Variants in AGO2 observed in about 807,000 individuals in gnomAD.
The protein encoded by AGO2 is argonaute RISC catalytic component 2, also known as protein argonaute-2.
In AGO2, 5 loss-of-function variants were observed where a neutral mutation model predicts 102.3. The observed-to-expected ratio is 0.05, with a 90% CI of 0.03 to 0.10. The LOEUF is 0.10. AGO2 is among the 10% of genes least tolerant of loss of function. The pLI, the probability that AGO2 is intolerant of heterozygous loss-of-function variation, is 1.00. For synonymous variants in AGO2, 449 were observed against 473.1 expected (o/e 0.95, Z 0.66); for missense variants, 541 against 1,183.7 (o/e 0.46, Z 7.97).
intron 9 of AGO2, 56 bp from the exon 10 acceptor site, chr8:140,556,074 A>G (rs2073090205): frequency 1.2e-6 from 2 of 1,611,624 alleles, no homozygotes; most frequent in East Asian, 2.2e-5. Context: ...CCATCTCTCT[A>G]GCAGCTGCGT....
At chr8:140,588,899 G>C (rs925290870) in intron 1 of AGO2, among the ~76,000 whole-genome samples, 2 of 152,244 alleles carry the variant, frequency 1.3e-5, no homozygotes, top group African/African-American at 4.8e-5. Context: ...CACTGAATCG[G>C]CATCACTCAG....
chr8:140,635,789 CGCGGCGGCGGCG>C (rs528099474), upstream of AGO2, among the ~76,000 whole-genome samples: 1 of 129,580 alleles, frequency 7.7e-6, no homozygotes, highest in Non-Finnish European at 1.7e-5. Context: ...GGGCGGGGTC[CGCGGCGGCGGCG>C]GCGGCGGCGC....
chr8:140,529,047 C>T lies in AGO2; in HGVS notation c.*2997G>A, dbSNP rs1180792353. The T allele has an allele frequency of 6.6e-6, 1 of 152,172 alleles. No individual in the cohort carries two copies. The highest frequency in any genetic ancestry group is 2.4e-5 in the African/African-American group (1 of 41,436). 9.4% of individuals were successfully genotyped at this position (152,172 alleles called of 1,614,324 possible). A position where few individuals can be genotyped will look rare whatever the true frequency, so the allele number is the denominator to read the frequency against. On this transcript the variant is annotated 3_prime_UTR_variant, in exon 19 of 19. Coordinates refer to ENST00000220592, the MANE Select transcript of AGO2 (RefSeq NM_012154.5). ...CTCTTTTAAAGAGATGAGATAAAAT[C>T]CCAGTTTTTCTTTTAAACAAACCCA...
At chr8:140,532,853 T>C in intron 17 of AGO2, 1 of 443,576 alleles carries the variant, frequency 2.3e-6, no homozygotes, top group Non-Finnish European at 4.2e-6. Context: ...AAAAATTAGC[T>C]AGACAATTGT....
intron 1 of AGO2, among the ~76,000 whole-genome samples, chr8:140,615,856 A>G (rs971547975): frequency 6.6e-6 from 1 of 152,232 alleles, no homozygotes. Context: ...CTTTGTTTAG[A>G]AAACAAACTT....
At chr8:140,542,040 A>G (rs558725830) in intron 14 of AGO2, among the ~76,000 whole-genome samples, 2 of 152,332 alleles carry the variant, frequency 1.3e-5, no homozygotes, top group Admixed American at 1.3e-4. Context: ...CTACAAGCAC[A>G]TCAACAGCAT....
intron 1 of AGO2, among the ~76,000 whole-genome samples, chr8:140,612,831 G>A (rs1407193956): frequency 6.6e-6 from 1 of 151,894 alleles, no homozygotes; most frequent in Non-Finnish European, 1.5e-5. Flanking sequence ...ATCTGAAAAG[G>A]CTACAACAAC....
Position 140,624,812 on chromosome 8 carries a change from GAC to G in AGO2, c.22+10671_22+10672del, listed in dbSNP as rs567565281. On this transcript the variant is annotated intron_variant, in intron 1 of 18. Coordinates refer to ENST00000220592, the MANE Select transcript of AGO2 (RefSeq NM_012154.5). The stretch of plus-strand genomic sequence containing the variant: ...CATCTTCTGAAACATCTGTCAACAA[GAC>G]GATGCCACTGGGATCTGCAATGAGA... 7.0e-3 allele frequency among the ~76,000 whole-genome samples: 1,065 copies of G among 152,384 alleles called. 7 individuals carry two copies. Among genetic ancestry groups the G allele is most frequent in the Non-Finnish European group, 0.012 (839 of 68,034 alleles).
At chr8:140,561,933 C>A (rs2073208410) in intron 4 of AGO2, among the ~76,000 whole-genome samples, 1 of 152,256 alleles carries the variant, frequency 6.6e-6, no homozygotes, top group Non-Finnish European at 1.5e-5. Context: ...GTGCAACCCT[C>A]TGCCCAGCAA....
intron 2 of AGO2, among the ~76,000 whole-genome samples, chr8:140,584,567 A>G (rs1401407546): frequency 6.6e-6 from 1 of 152,210 alleles, no homozygotes; most frequent in African/African-American, 2.4e-5. Context: ...CATAATGGCC[A>G]CAGCCTAGAC....
intron 1 of AGO2, among the ~76,000 whole-genome samples, chr8:140,614,094 G>A (rs140117191): frequency 1.3e-3 from 199 of 150,860 alleles, no homozygotes; most frequent in African/African-American, 4.6e-3. Flanking sequence ...AGGCCAAGGC[G>A]GGCGGATCAT....
rs1383794579 is a variant in AGO2 at position 140,523,556 on chromosome 8, C to A, written c.*8488G>T. ...TAATGAGTAATTAGCCACTTTGCTG[C>A]ACAGAAACTTATAAATTATTCTCTC... On this transcript the variant is annotated 3_prime_UTR_variant, in exon 19 of 19. Transcript: ENST00000220592. 3.9e-5 allele frequency: 6 copies of A among 152,248 alleles called. No individual in the cohort carries two copies. In the East Asian group the frequency reaches 1.2e-3, roughly 29 times the overall value. 9.4% of individuals were successfully genotyped at this position (152,248 alleles called of 1,614,324 possible).
intron 15 of AGO2, 69 bp downstream of exon 15, chr8:140,541,095 G>C: frequency 7.0e-7 from 1 of 1,436,054 alleles, no homozygotes; most frequent in Non-Finnish European, 9.3e-7. Flanking sequence ...ATCGAGCGTG[G>C]TTCTGCTGCA....
intron 1 of AGO2, among the ~76,000 whole-genome samples, chr8:140,612,355 A>T (rs2074091841): frequency 6.6e-6 from 1 of 151,574 alleles, no homozygotes. Flanking sequence ...TAACTCTGTG[A>T]GCTAGTGTGT....
intron 10 of AGO2, 50 bp from the exon 11 acceptor site, chr8:140,551,486 C>T: frequency 6.8e-7 from 1 of 1,463,710 alleles, no homozygotes; most frequent in Non-Finnish European, 9.1e-7. Flanking sequence ...AAACATATTC[C>T]TTCAACCTTA....
At chr8:140,615,115 G>C (rs772438297) in intron 1 of AGO2, among the ~76,000 whole-genome samples, 11 of 152,184 alleles carry the variant, frequency 7.2e-5, no homozygotes, top group Non-Finnish European at 1.3e-4. Flanking sequence ...GGCTGGTGCA[G>C]TGACTCATGT....
chr8:140,533,207 G>GA (rs1564070660), intron 17 of AGO2, among the ~76,000 whole-genome samples: 2 of 150,560 alleles, frequency 1.3e-5, no homozygotes, highest in African/African-American at 4.9e-5. Context: ...GGCTAACACG[G>GA]TGAAACCCTG....
Position 140,567,934 on chromosome 8 carries a change from C to G in AGO2, c.336+4878G>C, listed in dbSNP as rs537164842. 2.3e-4 allele frequency among the ~76,000 whole-genome samples: 35 copies of G among 151,920 alleles called. No homozygotes were observed. The highest frequency in any genetic ancestry group is 8.2e-4 in the African/African-American group (34 of 41,324). ...TGAGCTCAGGAGTTGCAGACCAGCC[C>G]GGGCAATGTGGCAAAACTCTGTCCC... On this transcript the variant is annotated intron_variant, in intron 3 of 18. Coordinates refer to ENST00000220592, the MANE Select transcript of AGO2 (RefSeq NM_012154.5). The surrounding 1 kb of genome is among the most constrained non-coding windows in gnomAD (Gnocchi z 5.0).
In AGO2 at chr8:140,584,477, A is replaced by G. The variant is rs943729238; in HGVS notation, c.215+642T>C. Among the ~76,000 whole-genome samples the G allele has an allele frequency of 4.6e-5, 7 of 152,102 alleles. No individual in the cohort carries two copies. In the East Asian group the frequency reaches 1.3e-3, roughly 29 times the overall value. On this transcript the variant is annotated intron_variant, in intron 2 of 18. Coordinates refer to ENST00000220592, the MANE Select transcript of AGO2 (RefSeq NM_012154.5). ...AGCTGCCCTTCGGCCCAGCAATTCT[A>G]CTCCTAGGTATTTATTTAAGAGAGA...
Sources: allele counts gnomAD v4.1 joint callset (sites outside exome capture counted in the v4.1 genomes callset), GRCh38; gene constraint gnomAD v4.1.1; non-coding constraint Gnocchi (gnomAD v3.1); transcripts MANE v1.5; gene names NCBI Gene and HGNC (gene_info 2026-07-23, HGNC 2026-07-21).